Variants in CLDN5 observed in about 807,000 individuals in gnomAD.
CLDN5 encodes the protein claudin-5.
Under a neutral mutation model 1.3 loss-of-function variants are expected in CLDN5, and 4 were observed. The observed-to-expected ratio is 3.07, with a 90% CI of 1.51 to 7.03. CLDN5 has a LOEUF of 7.03. Ranked by LOEUF, CLDN5 falls within the 30% of genes most tolerant of loss-of-function variation. The probability of loss-of-function intolerance (pLI) is 0.00; values close to 1 mark genes in which losing one functional copy is unlikely to be tolerated. For missense variants in CLDN5, 225 were observed against 303.5 expected, an observed-to-expected ratio of 0.74 and a Z score of 1.92; for synonymous variants, 156 against 152.3, an observed-to-expected ratio of 1.02 and a Z score of -0.18.
chr22:19,524,829 C>T, upstream of CLDN5: 1 of 1,176,938 alleles, frequency 8.5e-7, no homozygotes, highest in East Asian at 4.0e-5. Context: ...CCAAGGTTTG[C>T]AGAAGCCCCC....
Position 19,523,454 on chromosome 22 carries a change from C to A in CLDN5, c.*145G>T, listed in dbSNP as rs1290139115. Reference sequence around the variant, plus strand: ...CGCAGGCAGGAGCGGATCCAGGAGCCGCGTCGGGGCGCAGAGCCGGACGTT... The same window carrying A: ...CGCAGGCAGGAGCGGATCCAGGAGCAGCGTCGGGGCGCAGAGCCGGACGTT... On this transcript the variant is annotated 3_prime_UTR_variant, in exon 1 of 1. Transcript: ENST00000618236. 3 of 1,190,098 alleles carry A rather than the reference C, an allele frequency of 2.5e-6. No homozygotes were observed. Among genetic ancestry groups the A allele is most frequent in the Non-Finnish European group, 3.4e-6 (3 of 889,044 alleles). 73.7% of individuals were successfully genotyped at this position (1,190,098 alleles called of 1,614,324 possible).
rs1934184283 is a variant in CLDN5 at position 19,524,385 on chromosome 22, G to C, written c.-130C>G. The C allele has an allele frequency of 6.8e-7, 1 of 1,466,454 alleles. No homozygotes were observed. Among genetic ancestry groups the C allele is most frequent in the Admixed American group, 2.6e-5 (1 of 38,298 alleles). The allele number at this position is 1,466,454 out of a possible 1,614,324, so 90.8% of individuals were successfully genotyped here. On this transcript the variant is annotated 5_prime_UTR_variant, in exon 1 of 1. Transcript: ENST00000618236. The stretch of plus-strand genomic sequence containing the variant: ...TTGGCCCCAGTCCGTTTGCCCCGCG[G>C]GTCTGTCGCACCTCCTGGGTCTGCC...
chr22:19,524,375 T>C lies in CLDN5; in HGVS notation c.-120A>G, dbSNP rs1303679658. Reference sequence around the variant, plus strand: ...CTCCCGGCTCTTGGCCCCAGTCCGTTTGCCCCGCGGGTCTGTCGCACCTCC... The same window carrying C: ...CTCCCGGCTCTTGGCCCCAGTCCGTCTGCCCCGCGGGTCTGTCGCACCTCC... On this transcript the variant is annotated 5_prime_UTR_variant, in exon 1 of 1. Coordinates refer to ENST00000618236, the MANE Select transcript of CLDN5 (RefSeq NM_001363066.2). 2 of 1,469,392 alleles carry C rather than the reference T, an allele frequency of 1.4e-6. No homozygotes were observed. Among genetic ancestry groups the C allele is most frequent in the Non-Finnish European group, 1.8e-6 (2 of 1,109,600 alleles). 91.0% of individuals were successfully genotyped at this position (1,469,392 alleles called of 1,614,324 possible). A position where few individuals can be genotyped will look rare whatever the true frequency, so the allele number is the denominator to read the frequency against.
At position 19,523,919 on chromosome 22, in the gene CLDN5, C is replaced by T. The variant is rs868539380; in HGVS notation, c.337G>A (p.Ala113Thr). The change falls in exon 1 of 1, where the codon GCC (alanine) becomes ACC (threonine). Residue 113 changes from alanine (A) to threonine (T), a missense_variant. Coordinates refer to ENST00000618236, the MANE Select transcript of CLDN5 (RefSeq NM_001363066.2). The stretch of plus-strand genomic sequence containing the variant: ...CCCGTGAGGGCCACACGCGCCTTGG[C>T]CGGGCCCGGGGCCACGCAGGTGGTG... The part of the protein sequence containing the change: ...QCTTCVAPGP[A>T]KARVALTGGV... 6.3e-7 allele frequency: 1 copy of T among 1,598,872 alleles called. No homozygotes were observed. The highest frequency in any genetic ancestry group is 8.5e-7 in the Non-Finnish European group (1 of 1,176,236).
In CLDN5 at chr22:19,523,862, C is replaced by A. The variant is rs749152398; in HGVS notation, c.394G>T (p.Ala132Ser). Residue 132 changes from alanine (A) to serine (S), a missense_variant, in exon 1 of 1, where the codon GCG (alanine) becomes TCG (serine). By Grantham distance (99) the Ala-to-Ser change is moderately conservative. Around this residue, in one of 3 missense-constraint regions of CLDN5, gnomAD observed 165 missense variants for 211.9 expected, o/e 0.78. Transcript: ENST00000618236. ...GVLYLFCGLL[A>S]LVPLCWFANI... ...GCGAACCAGCAGAGTGGCACGAGCG[C>A]CAGCAGCCCGCAAAACAGGTAGAGC... 4 of 1,610,086 alleles carry A rather than the reference C, an allele frequency of 2.5e-6. No individual in the cohort carries two copies. The highest frequency in any genetic ancestry group is 2.7e-5 in the African/African-American group (2 of 74,902).
chr22:19,524,256 G>C lies in CLDN5; in HGVS notation c.-1C>G. 1 of 1,569,220 alleles carries C rather than the reference G, an allele frequency of 6.4e-7. No individual in the cohort carries two copies. Reference sequence around the variant, plus strand: ...GGATCTCCAACGCTGCGGACCCCATGGCTAGAGGCGAGACGCGCACCCGAA... The same window carrying C: ...GGATCTCCAACGCTGCGGACCCCATCGCTAGAGGCGAGACGCGCACCCGAA... On this transcript the variant is annotated 5_prime_UTR_variant, in exon 1 of 1. Transcript: ENST00000618236.
Position 19,523,536 on chromosome 22 carries a change from C to G in CLDN5, c.*63G>C. 6.0e-6 allele frequency: 9 copies of G among 1,503,296 alleles called. No individual in the cohort carries two copies. The highest frequency in any genetic ancestry group is 7.9e-6 in the Non-Finnish European group (9 of 1,135,270). The allele number at this position is 1,503,296 out of a possible 1,614,324, so 93.1% of individuals were successfully genotyped here. A position where few individuals can be genotyped will look rare whatever the true frequency, so the allele number is the denominator to read the frequency against. The stretch of plus-strand genomic sequence containing the variant: ...GAAGCCGCGGTCCATGCGGGGCTCC[C>G]CAGGCTTATCCAACGCCTCGCAGGC... On this transcript the variant is annotated 3_prime_UTR_variant, in exon 1 of 1. Coordinates refer to ENST00000618236, the MANE Select transcript of CLDN5 (RefSeq NM_001363066.2).
rs746287542 is a variant in CLDN5, at chr22:19,523,579, C to A, written c.*20G>T. On this transcript the variant is annotated 3_prime_UTR_variant, in exon 1 of 1. Transcript: ENST00000618236. ...TCGCAGGCGTGGCTGGCAGGAGGGG[C>A]CCGGCCGTGCCCAGCGCCCTCAGAC... 1 of 1,542,232 alleles carries A rather than the reference C, an allele frequency of 6.5e-7. No individual in the cohort carries two copies. Among genetic ancestry groups the A allele is most frequent in the East Asian group, 2.3e-5 (1 of 44,068 alleles).
chr22:19,524,971 C>G (rs963934582), upstream of CLDN5: 47 of 1,012,164 alleles, frequency 4.6e-5, no homozygotes, highest in Non-Finnish European at 5.6e-5. Context: ...CACTGTCTCT[C>G]TCATCCCATG....
Position 19,524,027 on chromosome 22 carries a change from C to T in CLDN5, c.229G>A (p.Val77Met), listed in dbSNP as rs143559030. ...ACGGTGAGCGCCCGCGCCGCCTGCA[C>T]CTCGGTGCTCAGAGCCAGCACCGAG... is the stretch of plus-strand genomic sequence containing the variant. The part of the protein sequence containing the change: ...YDSVLALSTE[V>M]QAARALTVSA... The change falls in exon 1 of 1, where the codon GTG becomes ATG. Residue 77 changes from valine to methionine, a missense_variant. Transcript: ENST00000618236. 1.7e-4 allele frequency: 278 copies of T among 1,598,772 alleles called. No individual in the cohort carries two copies. Among genetic ancestry groups the T allele is most frequent in the Middle Eastern group, 1.3e-3 (8 of 6,052 alleles).
chr22:19,523,518 C>A lies in CLDN5; in HGVS notation c.*81G>T. ...GCGCCGCGCTACCCGGCGGAAGCCG[C>A]GGTCCATGCGGGGCTCCCCAGGCTT... On this transcript the variant is annotated 3_prime_UTR_variant, in exon 1 of 1. Transcript: ENST00000618236. 4 of 1,467,010 alleles carry A rather than the reference C, an allele frequency of 2.7e-6. No homozygotes were observed. The highest frequency in any genetic ancestry group is 3.6e-6 in the Non-Finnish European group (4 of 1,116,946). 90.9% of individuals were successfully genotyped at this position (1,467,010 alleles called of 1,614,324 possible). A position where few individuals can be genotyped will look rare whatever the true frequency, so the allele number is the denominator to read the frequency against.
chr22:19,524,888 C>T (rs1934197508), upstream of CLDN5: 12 of 1,077,374 alleles, frequency 1.1e-5, no homozygotes, highest in South Asian at 4.5e-4. Flanking sequence ...CTCCAGAAAG[C>T]CCGCCCCGGG....
chr22:19,524,478 C>G (rs1206162378), upstream of CLDN5: 4 of 1,431,636 alleles, frequency 2.8e-6, no homozygotes, highest in Admixed American at 9.2e-5. Flanking sequence ...CCCGGCCCCC[C>G]GGCCCGAAGC....
upstream of CLDN5, chr22:19,524,574 G>A: frequency 7.4e-7 from 1 of 1,359,038 alleles, no homozygotes; most frequent in Non-Finnish European, 9.5e-7. Flanking sequence ...CTCTTGAGGG[G>A]TAGCTGAGGG....
chr22:19,524,628 G>A, upstream of CLDN5: 1 of 1,085,622 alleles, frequency 9.2e-7, no homozygotes, highest in South Asian at 2.5e-5. Context: ...AGCCCCACCC[G>A]CCGTTGTCCT....
Position 19,524,101 on chromosome 22 carries a change from A to G in CLDN5, c.155T>C (p.Met52Thr). ...CCCGGTGCTCTGCACCACGCACGAC[A>G]TCCACAGCCCCTTCCAGGTGGTCTG... ...TAQTTWKGLW[M>T]SCVVQSTGHM... The change falls in exon 1 of 1, where the codon ATG becomes ACG. Residue 52 changes from methionine (M) to threonine (T), a missense_variant. By Grantham distance (81) the Met-to-Thr change is moderately conservative. Around this residue, in one of 3 missense-constraint regions of CLDN5, gnomAD observed 19 missense variants for 51.1 expected, o/e 0.37. Transcript: ENST00000618236. 6.2e-7 allele frequency: 1 copy of G among 1,607,724 alleles called. No individual in the cohort carries two copies. The highest frequency in any genetic ancestry group is 8.5e-7 in the Non-Finnish European group (1 of 1,179,758).
Position 19,523,213 on chromosome 22 carries a change from G to T in CLDN5, c.*386C>A. 1 of 210,824 alleles carries T rather than the reference G, an allele frequency of 4.7e-6. No homozygotes were observed. The highest frequency in any genetic ancestry group is 1.2e-4 in the South Asian group (1 of 8,152). The allele number at this position is 210,824 out of a possible 1,614,324, so 13.1% of individuals were successfully genotyped here. A position where few individuals can be genotyped will look rare whatever the true frequency, so the allele number is the denominator to read the frequency against. On this transcript the variant is annotated 3_prime_UTR_variant, in exon 1 of 1. Coordinates refer to ENST00000618236, the MANE Select transcript of CLDN5 (RefSeq NM_001363066.2). ...AGACCAGCTGTACACATCTTCCGGT[G>T]GGGGCCCTGGGCTCTGCATCCGCCC...
Position 19,523,945 on chromosome 22 carries a change from C to A in CLDN5, c.311G>T (p.Cys104Phe). Residue 104 changes from cysteine (C) to phenylalanine (F), a missense_variant, in exon 1 of 1, where the codon TGC becomes TTC. By Grantham distance (205) the Cys-to-Phe change is radical. Coordinates refer to ENST00000618236, the MANE Select transcript of CLDN5 (RefSeq NM_001363066.2). ...CGGGCCCGGGGCCACGCAGGTGGTG[C>A]ACTGCGCGCCCGCCAGGGTCACGAA... The part of the protein sequence containing the change: ...ALFVTLAGAQ[C>F]TTCVAPGPAK... The A allele has an allele frequency of 6.3e-7, 1 of 1,590,626 alleles. No homozygotes were observed. The highest frequency in any genetic ancestry group is 1.7e-4 in the Middle Eastern group (1 of 6,038).
upstream of CLDN5, chr22:19,524,747 C>T (rs1211659818): frequency 1.6e-5 from 20 of 1,268,316 alleles, no homozygotes; most frequent in Admixed American, 1.2e-4. Context: ...CAGTCTGCAC[C>T]ACCCAGTCCA....
Sources: allele counts gnomAD v4.1 joint callset, GRCh38; gene constraint gnomAD v4.1.1; regional missense constraint gnomAD v4.1.1; transcripts MANE v1.5; gene names NCBI Gene and HGNC (gene_info 2026-07-23, HGNC 2026-07-21).